Variants in FAM178B observed in about 807,000 individuals in gnomAD.
FAM178B encodes protein FAM178B.
Under a neutral mutation model 91.7 loss-of-function variants are expected in FAM178B, and 82 were observed. The observed-to-expected ratio is 0.89, with a 90% CI of 0.75 to 1.07. The LOEUF is 1.07. FAM178B is among the 50% of genes least tolerant of loss of function. The pLI is 0.00. For synonymous variants in FAM178B, 368 were observed against 359.4 expected, an observed-to-expected ratio of 1.02 and a Z score of -0.27; for missense variants, 769 against 846.7, an observed-to-expected ratio of 0.91 and a Z score of 1.14.
chr2:96,927,359 G>A (rs1314352777), intron 9 of FAM178B, among the ~76,000 whole-genome samples: 5 of 152,214 alleles, frequency 3.3e-5, no homozygotes, highest in Non-Finnish European at 5.9e-5. Context: ...TCAGCCCTGC[G>A]GCTGTCAGCC....
chr2:96,888,465 G>T (rs1311527726), intron 14 of FAM178B, among the ~76,000 whole-genome samples: 2 of 152,202 alleles, frequency 1.3e-5, no homozygotes, highest in Non-Finnish European at 2.9e-5. Flanking sequence ...TGTGCCCAGG[G>T]GAACACATGT....
chr2:96,984,805 G>GT (rs778591864), intron 1 of FAM178B, among the ~76,000 whole-genome samples: 3 of 152,130 alleles, frequency 2.0e-5, no homozygotes, highest in Non-Finnish European at 2.9e-5. Context: ...CACTTTCAAA[G>GT]ACAAAGACAT....
chr2:96,962,440 AAAAAG>A (rs796942174), intron 5 of FAM178B, among the ~76,000 whole-genome samples: 97,609 of 134,064 alleles, frequency 0.73, 36,770 homozygotes, highest in Non-Finnish European at 0.81. Context: ...AGAAAAAAAA[AAAAAG>A]AAAGAAAGAA....
intron 8 of FAM178B, among the ~76,000 whole-genome samples, chr2:96,940,259 C>T (rs2153372518): frequency 6.6e-6 from 1 of 152,260 alleles, no homozygotes; most frequent in Middle Eastern, 3.4e-3. Flanking sequence ...GTCCAGGGCC[C>T]AGGCACTTAA....
intron 14 of FAM178B, among the ~76,000 whole-genome samples, chr2:96,886,659 C>A (rs1047606181): frequency 6.6e-5 from 10 of 152,210 alleles, no homozygotes; most frequent in Admixed American, 6.5e-5. Context: ...AAACTCCTGG[C>A]AAAGACAGGG....
rs558698811 is a variant in FAM178B at position 96,973,923 on chromosome 2, A to C, written c.74-1317T>G. 7.2e-5 allele frequency among the ~76,000 whole-genome samples: 11 copies of C among 151,956 alleles called. No homozygotes were observed. The South Asian group carries it at 2.1e-3, about 29-fold the overall frequency. ...GGGGCTGGGGCAGGAGAATCACTTG[A>C]ACCCAGGAGACGGCAGTTGCAGTGA... On this transcript the variant is annotated intron_variant, in intron 1 of 16. Transcript: ENST00000490605.
chr2:96,910,879 A>C (rs894730607), intron 12 of FAM178B, among the ~76,000 whole-genome samples: 5 of 149,790 alleles, frequency 3.3e-5, no homozygotes, highest in South Asian at 2.1e-4. Context: ...TCACTACAAC[A>C]ACCTCAGCCT....
At chr2:96,963,513 T>C (rs1796029) in intron 5 of FAM178B, among the ~76,000 whole-genome samples, 129,325 of 152,298 alleles carry the variant, frequency 0.85, 56,428 homozygotes, top group African/African-American at 0.95. Context: ...TGGGACGTCA[T>C]GGCCGGCTGC....
chr2:96,901,335 G>A (rs1326210399), intron 13 of FAM178B, among the ~76,000 whole-genome samples: 1 of 151,704 alleles, frequency 6.6e-6, no homozygotes, highest in Non-Finnish European at 1.5e-5. Context: ...AGCATGCCCG[G>A]CTAATTTTTT....
intron 8 of FAM178B, among the ~76,000 whole-genome samples, chr2:96,946,389 C>T (rs1257287474): frequency 6.6e-6 from 1 of 152,220 alleles, no homozygotes; most frequent in Non-Finnish European, 1.5e-5. Flanking sequence ...CAACTATCTG[C>T]TCAAGTCCCT....
intron 14 of FAM178B, among the ~76,000 whole-genome samples, chr2:96,890,291 A>C (rs2080640408): frequency 6.6e-6 from 1 of 151,206 alleles, no homozygotes; most frequent in African/African-American, 2.4e-5. Flanking sequence ...TCAATCAATC[A>C]ATCAAGCAAT....
At chr2:96,876,407 G>A (rs1348754826) in intron 16 of FAM178B, 99 bp from the exon 17 acceptor site, 7 of 1,440,618 alleles carry the variant, frequency 4.9e-6, no homozygotes, top group South Asian at 1.2e-5. Context: ...AGCACCCATC[G>A]CAGGCTCATG....
intron 12 of FAM178B, among the ~76,000 whole-genome samples, chr2:96,905,846 A>ATATG (rs1559064241): frequency 3.0e-4 from 8 of 26,914 alleles, no homozygotes; most frequent in South Asian, 9.3e-4. Context: ...ATATATATAT[A>ATATG]TATATATATA....
intron 8 of FAM178B, among the ~76,000 whole-genome samples, chr2:96,939,846 C>T (rs1447241446): frequency 6.6e-6 from 1 of 152,086 alleles, no homozygotes; most frequent in East Asian, 1.9e-4. Flanking sequence ...TAGGCCAAGC[C>T]CTGGGCTTGG....
chr2:96,930,920 G>A (rs1158862943), intron 8 of FAM178B, among the ~76,000 whole-genome samples: 3 of 152,102 alleles, frequency 2.0e-5, no homozygotes, highest in Admixed American at 6.6e-5. Context: ...CCTCCTCTTT[G>A]GGGCAGAGAG....
chr2:96,912,865 G>A (rs2081181902), intron 12 of FAM178B, among the ~76,000 whole-genome samples: 2 of 152,070 alleles, frequency 1.3e-5, no homozygotes, highest in South Asian at 2.1e-4. Flanking sequence ...GGCCTCACCC[G>A]CCCACAGTGA....
chr2:96,947,922 A>G lies in FAM178B; in HGVS notation c.994-20T>C. The stretch of plus-strand genomic sequence containing the variant: ...CAGCAGCTAGGTGGAAAAAAAAAAC[A>G]AAAACAAAAACCTGGTGAGCTGGGT... On this transcript the variant is annotated intron_variant, in intron 7 of 16. Coordinates refer to ENST00000490605, the MANE Select transcript of FAM178B (RefSeq NM_001122646.3). The G allele has an allele frequency of 7.3e-7, 1 of 1,364,062 alleles. No homozygotes were observed. Among genetic ancestry groups the G allele is most frequent in the Non-Finnish European group, 1.0e-6 (1 of 990,486 alleles). 84.5% of individuals were successfully genotyped at this position (1,364,062 alleles called of 1,614,324 possible). A position where few individuals can be genotyped will look rare whatever the true frequency, so the allele number is the denominator to read the frequency against.
Position 96,960,401 on chromosome 2 carries a change from G to A in FAM178B, c.774C>T (p.Ile258=). The part of the protein sequence containing the change: ...VEKYSVSLQT[I]PPVHPGETVF... ...CAGTCTCACCTGGATGGACCGGCGG[G>A]ATGGTCTGCAGGGACACTGAGTACT... The change falls in exon 6 of 17, where the codon ATC becomes ATT. Residue 258 remains isoleucine (I), a synonymous_variant. Transcript: ENST00000490605. 6.4e-7 allele frequency: 1 copy of A among 1,551,588 alleles called. No individual in the cohort carries two copies. Among genetic ancestry groups the A allele is most frequent in the Non-Finnish European group, 8.7e-7 (1 of 1,146,814 alleles).
chr2:96,984,975 G>A (rs901518834), intron 1 of FAM178B, among the ~76,000 whole-genome samples: 1 of 152,112 alleles, frequency 6.6e-6, no homozygotes, highest in Non-Finnish European at 1.5e-5. Flanking sequence ...CACTAAGACC[G>A]ACAAAAAGCT....
Sources: gnomAD v4.1 joint callset for allele counts (sites outside exome capture counted in the v4.1 genomes callset) on GRCh38, gnomAD v4.1.1 for gene constraint, MANE v1.5 for transcripts, NCBI Gene and HGNC (gene_info 2026-07-23, HGNC 2026-07-21) for gene names.